SNX8: variants seen among roughly 807,000 people sequenced by gnomAD.
SNX8 encodes sorting nexin 8.
A neutral mutation model predicts 51.6 loss-of-function variants in SNX8; 25 were observed. That is an observed-to-expected ratio of 0.48 (90% CI 0.35 to 0.68). The LOEUF is 0.68. Ranked by LOEUF, SNX8 falls within the 30% of genes least tolerant of loss-of-function variation. The pLI is 0.00. For missense variants in SNX8, 695 were observed against 624.0 expected, an observed-to-expected ratio of 1.11 and a Z score of -1.21; for synonymous variants, 324 against 277.0, an observed-to-expected ratio of 1.17 and a Z score of -1.68.
intron 1 of SNX8, among the ~76,000 whole-genome samples, chr7:2,344,717 C>T (rs940839599): frequency 1.3e-5 from 2 of 151,938 alleles, no homozygotes; most frequent in Admixed American, 6.6e-5. Context: ...TCAGGATCAT[C>T]TGAGGACAGC....
At chr7:2,280,607 C>T (rs1190336496) in intron 1 of SNX8, among the ~76,000 whole-genome samples, 1 of 152,058 alleles carries the variant, frequency 6.6e-6, no homozygotes, top group African/African-American at 2.4e-5. Flanking sequence ...ACCAAGTGGT[C>T]ACATGTTGGT....
chr7:2,263,297 G>A lies in SNX8; in HGVS notation c.848C>T (p.Ser283Phe). 1.9e-6 allele frequency: 3 copies of A among 1,613,882 alleles called. No individual in the cohort carries two copies. The highest frequency in any genetic ancestry group is 2.5e-6 in the Non-Finnish European group (3 of 1,179,972). The change falls in exon 7 of 11, where the codon TCC (serine) becomes TTC (phenylalanine). Residue 283 changes from serine to phenylalanine, a missense_variant. Physicochemically the swap from Ser to Phe is radical, Grantham distance 155 (BLOSUM62 -2). Coordinates refer to ENST00000222990, the MANE Select transcript of SNX8 (RefSeq NM_013321.4). ...WAALNSSTWG[S>F]LKQALKGLSV... ...CAGGCCTTTCAGAGCCTGCTTCAGG[G>A]ACCCCCACGTGCTGCTATTCAGAGC... is the stretch of plus-strand genomic sequence containing the variant.
Position 2,264,434 on chromosome 7 carries a change from C to T in SNX8, c.646G>A (p.Ala216Thr). Residue 216 changes from alanine to threonine, a missense_variant, in exon 6 of 11, where the codon GCT becomes ACT. By Grantham distance (58) the Ala-to-Thr change is moderately conservative. Coordinates refer to ENST00000222990, the MANE Select transcript of SNX8 (RefSeq NM_013321.4). Reference sequence around the variant, plus strand: ...AGCTCCCGGCTGATGGCAAACTGAGCCTGGATGTCAGCTGGGAGGAAGTCC... The same window carrying T: ...AGCTCCCGGCTGATGGCAAACTGAGTCTGGATGTCAGCTGGGAGGAAGTCC... ...AKDFLPADIQAQFAISRELIR... is the reference protein window; with the variant it reads ...AKDFLPADIQTQFAISRELIR... The T allele has an allele frequency of 6.2e-7, 1 of 1,611,662 alleles. No homozygotes were observed. The highest frequency in any genetic ancestry group is 8.5e-7 in the Non-Finnish European group (1 of 1,179,902).
At chr7:2,312,581 GAC>G (rs533523611) in intron 1 of SNX8, among the ~76,000 whole-genome samples, 1,659 of 152,214 alleles carry the variant, frequency 0.011, 22 homozygotes, top group African/African-American at 0.039. Flanking sequence ...CTTCTTTCTA[GAC>G]ACAGTCTTCA....
At chr7:2,346,678 G>A (rs1440689195) in intron 1 of SNX8, among the ~76,000 whole-genome samples, 22 of 146,642 alleles carry the variant, frequency 1.5e-4, no homozygotes, top group Non-Finnish European at 2.5e-4. Flanking sequence ...CCTGGGAGGC[G>A]GAGCTTGCAG....
chr7:2,289,495 G>A (rs180922650), intron 1 of SNX8, among the ~76,000 whole-genome samples: 1 of 152,176 alleles, frequency 6.6e-6, no homozygotes, highest in Admixed American at 6.6e-5. Flanking sequence ...ATTCCAGGAG[G>A]ACTGTGCCTC....
intron 1 of SNX8, among the ~76,000 whole-genome samples, chr7:2,284,093 C>G (rs1795967905): frequency 6.6e-6 from 1 of 152,132 alleles, no homozygotes; most frequent in South Asian, 2.1e-4. Context: ...CCACGCCCGG[C>G]TAATTTTTGT....
At chr7:2,262,951 C>A (rs1795372117) in intron 7 of SNX8, among the ~76,000 whole-genome samples, 1 of 152,314 alleles carries the variant, frequency 6.6e-6, no homozygotes, top group South Asian at 2.1e-4. Context: ...AACCTCATCT[C>A]TACTAAAAAT....
chr7:2,295,899 T>G (rs1352720743), intron 1 of SNX8, among the ~76,000 whole-genome samples: 1 of 152,176 alleles, frequency 6.6e-6, no homozygotes. Context: ...CTTGTAAAAA[T>G]GTAGCTTTAT....
intron 1 of SNX8, among the ~76,000 whole-genome samples, chr7:2,336,640 G>A (rs1331711796): frequency 2.0e-5 from 3 of 151,876 alleles, no homozygotes; most frequent in Admixed American, 6.6e-5. Flanking sequence ...CCCGGGAGGC[G>A]GAGGTTGCAG....
At position 2,337,357 on chromosome 7, in the gene SNX8, G is replaced by A. The variant is rs187497139; in HGVS notation, c.-66+16865C>T. ...AGCTAGTTGGGAGGCTGAGGAGGGA[G>A]GATCACTTGAGCTCAGGAGGCAGAG... On this transcript the variant is annotated intron_variant, in intron 1 of 5. Transcript: ENST00000435336. 3 of 152,148 alleles carry A rather than the reference G, an allele frequency of 2.0e-5. No individual in the cohort carries two copies. In the East Asian group the frequency reaches 5.8e-4, roughly 29 times the overall value. The allele number at this position is 152,148 out of a possible 1,614,324, so 9.4% of individuals were successfully genotyped here.
chr7:2,351,812 CAG>C (rs1339087407), intron 1 of SNX8, among the ~76,000 whole-genome samples: 1 of 150,200 alleles, frequency 6.7e-6, no homozygotes, highest in Non-Finnish European at 1.5e-5. Flanking sequence ...GCCTGGGCGA[CAG>C]AGTGAGACTC....
intron 5 of SNX8, among the ~76,000 whole-genome samples, chr7:2,266,666 CT>C (rs1043623373): frequency 1.3e-5 from 2 of 151,424 alleles, no homozygotes; most frequent in Non-Finnish European, 2.9e-5. Flanking sequence ...GTTTGTTTTG[CT>C]TTTTTTTGTT....
chr7:2,304,454 G>C (rs1349861341), intron 1 of SNX8, among the ~76,000 whole-genome samples: 1 of 151,844 alleles, frequency 6.6e-6, no homozygotes, highest in Non-Finnish European at 1.5e-5. Flanking sequence ...TGAGGCAGGA[G>C]AATGGCGTGA....
At chr7:2,283,655 C>G (rs1007494835) in intron 1 of SNX8, among the ~76,000 whole-genome samples, 1 of 152,218 alleles carries the variant, frequency 6.6e-6, no homozygotes, top group African/African-American at 2.4e-5. Flanking sequence ...TCAGGACCAG[C>G]AAGGATGGCA....
At chr7:2,305,846 C>G (rs192687678) in intron 1 of SNX8, among the ~76,000 whole-genome samples, 8 of 151,884 alleles carry the variant, frequency 5.3e-5, no homozygotes, top group Admixed American at 2.0e-4. Flanking sequence ...TTTGGGAGGC[C>G]GAAGCAGGAG....
At chr7:2,317,977 C>T (rs1796782520), upstream of SNX8, among the ~76,000 whole-genome samples, 2 of 152,202 alleles carry the variant, frequency 1.3e-5, no homozygotes, top group South Asian at 4.1e-4. Context: ...CTTCCAGCTG[C>T]TGTTGCTGCC....
chr7:2,290,117 T>TG (rs989564913), intron 1 of SNX8, among the ~76,000 whole-genome samples: 1 of 152,012 alleles, frequency 6.6e-6, no homozygotes, highest in African/African-American at 2.4e-5. Flanking sequence ...CGCTTGAACC[T>TG]GGGAGGTGGA....
At chr7:2,328,304 G>A (rs1347715186) in intron 1 of SNX8, among the ~76,000 whole-genome samples, 1 of 152,000 alleles carries the variant, frequency 6.6e-6, no homozygotes, top group Non-Finnish European at 1.5e-5. Flanking sequence ...TGATCCACCT[G>A]CCTTGGCCTC....
Sources: allele counts gnomAD v4.1 joint callset (sites outside exome capture counted in the v4.1 genomes callset), GRCh38; gene constraint gnomAD v4.1.1; transcripts MANE v1.5; gene names NCBI Gene and HGNC (gene_info 2026-07-23, HGNC 2026-07-21).